The following CNNM4 variants were observed in gnomAD, a reference collection of about 807,000 sequenced individuals.
CNNM4 encodes the protein cyclin and CBS domain divalent metal cation transport mediator 4, also known as metal transporter CNNM4.
Under a neutral mutation model 53.7 loss-of-function variants are expected in CNNM4, and 32 were observed. The ratio of observed to expected loss-of-function variants is 0.60; its 90% CI spans 0.45 to 0.80. The LOEUF is 0.80. Among genes scored for constraint, CNNM4 ranks in the 30% least tolerant of loss-of-function variants. The pLI is 0.00. For missense variants in CNNM4, 784 were observed against 1,022.0 expected (o/e 0.77, Z 3.17); for synonymous variants, 410 against 440.0 (o/e 0.93, Z 0.85).
At chr2:96,763,322 C>A in intron 1 of CNNM4, among the ~76,000 whole-genome samples, 1 of 152,132 alleles carries the variant, frequency 6.6e-6, no homozygotes, top group East Asian at 1.9e-4. Flanking sequence ...GCACACACTC[C>A]TTTTCTTCCA....
rs1485864961 is a variant in CNNM4, at chr2:96,801,187, A to G, written c.1948+1539A>G. The stretch of plus-strand genomic sequence containing the variant: ...TGCCACCTGCTGCCTGTGCCTGCAC[A>G]CTGCAGCTGCATTAACCTCCCCACA... On this transcript the variant is annotated intron_variant, in intron 5 of 6. Coordinates refer to ENST00000377075, the MANE Select transcript of CNNM4 (RefSeq NM_020184.4). This position sits in a 1 kb window ranked among gnomAD's most constrained non-coding sequence, Gnocchi z 5.6. The G allele has an allele frequency of 2.2e-6, 2 of 915,084 alleles. No homozygotes were observed. Among genetic ancestry groups the G allele is most frequent in the Non-Finnish European group, 2.6e-6 (2 of 765,798 alleles). The allele number at this position is 915,084 out of a possible 1,614,324, so 56.7% of individuals were successfully genotyped here.
rs2079154442 is a variant in CNNM4, at chr2:96,801,180, C to T, written c.1948+1532C>T. 4 of 930,966 alleles carry T rather than the reference C, an allele frequency of 4.3e-6. No individual in the cohort carries two copies. The highest frequency in any genetic ancestry group is 1.8e-5 in the African/African-American group (1 of 56,136). The allele number at this position is 930,966 out of a possible 1,614,324, so 57.7% of individuals were successfully genotyped here. On this transcript the variant is annotated intron_variant, in intron 5 of 6. Coordinates refer to ENST00000377075, the MANE Select transcript of CNNM4 (RefSeq NM_020184.4). This position sits in a 1 kb window ranked among gnomAD's most constrained non-coding sequence, Gnocchi z 5.6. ...GTCACGCTGCCACCTGCTGCCTGTG[C>T]CTGCACACTGCAGCTGCATTAACCT...
chr2:96,796,131 CTTTTTTTTTTTT>C (rs796494842), intron 1 of CNNM4, among the ~76,000 whole-genome samples: 2,836 of 50,692 alleles, frequency 0.056, 123 homozygotes, highest in African/African-American at 0.2. Flanking sequence ...CAGACAGGGT[CTTTTTTTTTTTT>C]TTTTTTTTTT....
At position 96,794,379 on chromosome 2, in the gene CNNM4, A is replaced by C. The variant is rs542711370; in HGVS notation, c.1403-2633A>C. ...CTCCCCAAACTCCAAATACCCCCAAAGGTGACCACTCTTACTACTTCTGGA... is the reference window on the plus strand; with the variant it reads ...CTCCCCAAACTCCAAATACCCCCAACGGTGACCACTCTTACTACTTCTGGA... On this transcript the variant is annotated intron_variant, in intron 1 of 6. Coordinates refer to ENST00000377075, the MANE Select transcript of CNNM4 (RefSeq NM_020184.4). 3.9e-5 allele frequency among the ~76,000 whole-genome samples: 6 copies of C among 152,296 alleles called. No homozygotes were observed. In the East Asian group the frequency reaches 1.2e-3, roughly 29 times the overall value.
At chr2:96,785,376 C>A (rs1349157312) in intron 1 of CNNM4, among the ~76,000 whole-genome samples, 1 of 152,022 alleles carries the variant, frequency 6.6e-6, no homozygotes, top group African/African-American at 2.4e-5. Flanking sequence ...GTGGCTCATA[C>A]CTGTAATCTT....
intron 5 of CNNM4, among the ~76,000 whole-genome samples, chr2:96,806,535 A>ACACACACACACACGCG (rs374638753): frequency 3.0e-4 from 37 of 124,000 alleles, no homozygotes; most frequent in African/African-American, 9.0e-4. Flanking sequence ...ACACACACAC[A>ACACACACACACACGCG]CGCGCGCGCG....
chr2:96,774,094 C>G (rs1456929681), intron 1 of CNNM4, among the ~76,000 whole-genome samples: 2 of 152,160 alleles, frequency 1.3e-5, no homozygotes, highest in Non-Finnish European at 2.9e-5. Context: ...ACCCACCGTC[C>G]TGACCGCCAG....
intron 1 of CNNM4, among the ~76,000 whole-genome samples, chr2:96,778,484 G>A (rs1021193390): frequency 1.2e-4 from 18 of 151,630 alleles, no homozygotes; most frequent in African/African-American, 3.9e-4. Context: ...TTGAACCCGG[G>A]AGGTGGAGGT....
chr2:96,764,972 G>C (rs981763701), intron 1 of CNNM4, among the ~76,000 whole-genome samples: 1 of 131,806 alleles, frequency 7.6e-6, no homozygotes, highest in Non-Finnish European at 1.6e-5. Flanking sequence ...GGGCGACTGA[G>C]CAAGACTCTG....
intron 4 of CNNM4, 147 bp from the exon 5 acceptor site, chr2:96,799,405 C>T: frequency 9.1e-7 from 1 of 1,096,052 alleles, no homozygotes; most frequent in Non-Finnish European, 1.4e-6. Context: ...CACTCTTGAT[C>T]TCACAGGTCA....
chr2:96,788,548 C>G (rs1218580289), intron 1 of CNNM4: 1 of 152,298 alleles, frequency 6.6e-6, no homozygotes, highest in Non-Finnish European at 1.5e-5. Flanking sequence ...CTGGCTGCCA[C>G]TCATCCCGGT....
intron 1 of CNNM4, among the ~76,000 whole-genome samples, chr2:96,769,027 G>A (rs1345729702): frequency 6.6e-6 from 1 of 152,206 alleles, no homozygotes; most frequent in Non-Finnish European, 1.5e-5. Context: ...CGAGGCGGGC[G>A]GATCATGAGG....
intron 1 of CNNM4, among the ~76,000 whole-genome samples, chr2:96,775,319 A>G (rs1032176448): frequency 2.0e-5 from 3 of 152,112 alleles, no homozygotes; most frequent in Admixed American, 6.6e-5. Flanking sequence ...CATATCATAT[A>G]TACACACTTT....
chr2:96,766,420 C>T (rs1434516331), intron 1 of CNNM4, among the ~76,000 whole-genome samples: 3 of 152,102 alleles, frequency 2.0e-5, no homozygotes, highest in African/African-American at 7.2e-5. Flanking sequence ...ACCATGGGGC[C>T]TTTGCCCTGG....
chr2:96,761,734 G>T lies in CNNM4; in HGVS notation c.735G>T (p.Ser245=), dbSNP rs765321091. 2 of 1,609,890 alleles carry T rather than the reference G, an allele frequency of 1.2e-6. No individual in the cohort carries two copies. Among genetic ancestry groups the T allele is most frequent in the Non-Finnish European group, 8.5e-7 (1 of 1,179,972 alleles). The change falls in exon 1 of 7, where the codon TCG becomes TCT. Residue 245 remains serine, a synonymous_variant. Coordinates refer to ENST00000377075, the MANE Select transcript of CNNM4 (RefSeq NM_020184.4). This position sits in a 1 kb window ranked among gnomAD's most constrained non-coding sequence, Gnocchi z 6.0. ...IRRKGNYLLC[S]LLLGNVLVNT... The stretch of plus-strand genomic sequence containing the variant: ...GCAAGGGCAACTACCTTCTCTGCTC[G>T]TTGCTCCTAGGGAACGTGCTGGTCA...
chr2:96,797,482 T>C lies in CNNM4; in HGVS notation c.1547-31T>C, dbSNP rs773659426. On this transcript the variant is annotated intron_variant, in intron 2 of 6. Coordinates refer to ENST00000377075, the MANE Select transcript of CNNM4 (RefSeq NM_020184.4). This position sits in a 1 kb window ranked among gnomAD's most constrained non-coding sequence, Gnocchi z 6.0. Reference sequence around the variant, plus strand: ...CTCTTCCTAAGTCCTCAGGGGTCTGTGTTCTCAATTCCACGCTCTTCTTCC... The same window carrying C: ...CTCTTCCTAAGTCCTCAGGGGTCTGCGTTCTCAATTCCACGCTCTTCTTCC... 9 of 1,612,432 alleles carry C rather than the reference T, an allele frequency of 5.6e-6. No homozygotes were observed. The African/African-American group carries it at 9.3e-5, about 17-fold the overall frequency.
intron 1 of CNNM4, among the ~76,000 whole-genome samples, chr2:96,790,251 G>A (rs1181551324): frequency 1.3e-5 from 2 of 151,032 alleles, no homozygotes; most frequent in Non-Finnish European, 2.9e-5. Flanking sequence ...CGTGATCCAC[G>A]CGCCTCGGTC....
rs189925286 is a variant in CNNM4, at chr2:96,777,190, T to C, written c.1402+14789T>C. ...AGCGCGCCACCACACCCAGCTAATGTTTGTATTTTTAGTAGAAACAGGGTT... is the reference window on the plus strand; with the variant it reads ...AGCGCGCCACCACACCCAGCTAATGCTTGTATTTTTAGTAGAAACAGGGTT... On this transcript the variant is annotated intron_variant, in intron 1 of 6. Coordinates refer to ENST00000377075, the MANE Select transcript of CNNM4 (RefSeq NM_020184.4). Among the ~76,000 whole-genome samples the C allele has an allele frequency of 2.0e-3, 307 of 151,500 alleles. 1 individual carries two copies. Among genetic ancestry groups the C allele is most frequent in the African/African-American group, 6.9e-3 (284 of 41,250 alleles).
chr2:96,783,759 G>A (rs1007573597), intron 1 of CNNM4, among the ~76,000 whole-genome samples: 1 of 152,156 alleles, frequency 6.6e-6, no homozygotes, highest in Non-Finnish European at 1.5e-5. Flanking sequence ...GGCAAAAACG[G>A]GGAGAAGGCA....
Sources: gnomAD v4.1 joint callset for allele counts (sites outside exome capture counted in the v4.1 genomes callset) on GRCh38, gnomAD v4.1.1 for gene constraint, Gnocchi (gnomAD v3.1) non-coding constraint, MANE v1.5 for transcripts, NCBI Gene and HGNC (gene_info 2026-07-23, HGNC 2026-07-21) for gene names.